Variants in ATAD2 observed in about 807,000 individuals in gnomAD.
ATAD2 encodes ATPase family AAA domain-containing protein 2.
In ATAD2, 62 loss-of-function variants were observed where a neutral mutation model predicts 168.9. The ratio of observed to expected loss-of-function variants is 0.37; its 90% CI spans 0.30 to 0.45. The LOEUF is 0.45. Among genes scored for constraint, ATAD2 ranks in the 20% least tolerant of loss-of-function variants. The pLI, the probability that ATAD2 is intolerant of heterozygous loss-of-function variation, is 1.00. For synonymous variants in ATAD2, 613 were observed against 571.6 expected (o/e 1.07, Z -1.03); for missense variants, 1,419 against 1,667.8 (o/e 0.85, Z 2.60).
At chr8:123,345,386 G>A (rs1373747787) in intron 18 of ATAD2, among the ~76,000 whole-genome samples, 2 of 151,922 alleles carry the variant, frequency 1.3e-5, no homozygotes, top group Non-Finnish European at 2.9e-5. Flanking sequence ...ATATAGCCAG[G>A]CGCGGTGGCT....
intron 20 of ATAD2, among the ~76,000 whole-genome samples, chr8:123,338,544 GA>G (rs907909574): frequency 4.6e-5 from 7 of 152,080 alleles, no homozygotes; most frequent in Admixed American, 3.3e-4. Context: ...TACTCAGGAT[GA>G]AAAAAAGGAT....
In ATAD2 at chr8:123,320,502, AAT is replaced by A. The variant is rs1485211405; in HGVS notation, c.*630_*631del. The A allele has an allele frequency of 6.6e-6, 1 of 152,162 alleles. No homozygotes were observed. The highest frequency in any genetic ancestry group is 1.5e-5 in the Non-Finnish European group (1 of 68,046). The allele number at this position is 152,162 out of a possible 1,614,324, so 9.4% of individuals were successfully genotyped here. Reference sequence around the variant, plus strand: ...ATATAATTACAAAAGTAAACCAAGAAATATTTAAAATCTTTATTAACCCAAAT... The same window carrying A: ...ATATAATTACAAAAGTAAACCAAGAAATTTAAAATCTTTATTAACCCAAAT... On this transcript the variant is annotated 3_prime_UTR_variant, in exon 28 of 28. Coordinates refer to ENST00000287394, the MANE Select transcript of ATAD2 (RefSeq NM_014109.4).
Position 123,380,555 on chromosome 8 carries a change from T to G in ATAD2, c.294A>C (p.Gln98His). The G allele has an allele frequency of 6.2e-7, 1 of 1,614,090 alleles. No individual in the cohort carries two copies. The highest frequency in any genetic ancestry group is 8.5e-7 in the Non-Finnish European group (1 of 1,179,986). Residue 98 changes from glutamine (Q) to histidine (H), a missense_variant, in exon 2 of 28, where the codon CAA becomes CAC. Physicochemically the swap from Gln to His is conservative, Grantham distance 24. Transcript: ENST00000287394. ...TTGTAAAATGCCTGCCATTAGCAAG[T>G]TGCTCCGTTATTTCCACATTCTTCT... is the stretch of plus-strand genomic sequence containing the variant. ...SFEKNVEITE[Q>H]LANGRHFTRQ...
Position 123,385,167 on chromosome 8 carries a change from T to C in ATAD2, c.172-4490A>G, listed in dbSNP as rs578231203. 6.6e-5 allele frequency among the ~76,000 whole-genome samples: 10 copies of C among 152,340 alleles called. No homozygotes were observed. The East Asian group carries it at 1.7e-3, about 26-fold the overall frequency. On this transcript the variant is annotated intron_variant, in intron 1 of 27. Coordinates refer to ENST00000287394, the MANE Select transcript of ATAD2 (RefSeq NM_014109.4). ...GCTATACAGGTTTCCACTGGTTCTA[T>C]TTTTCTACTGTTATTGATGAGCATG...
chr8:123,414,364 T>C (rs922374426), intron 1 of ATAD2, among the ~76,000 whole-genome samples: 1 of 152,200 alleles, frequency 6.6e-6, no homozygotes, highest in Admixed American at 6.6e-5. Flanking sequence ...TTGTAGAACC[T>C]ACCCAGCCTA....
intron 21 of ATAD2, among the ~76,000 whole-genome samples, chr8:123,336,852 C>T (rs1013156319): frequency 6.6e-6 from 1 of 151,918 alleles, no homozygotes; most frequent in African/African-American, 2.4e-5. Context: ...AGGTCTCTTC[C>T]AATTGTGTAG....
chr8:123,360,181 T>G (rs1285723440), intron 9 of ATAD2, among the ~76,000 whole-genome samples: 2 of 152,198 alleles, frequency 1.3e-5, no homozygotes, highest in African/African-American at 4.8e-5. Flanking sequence ...ACCCAACTAG[T>G]AAATGGCAGG....
chr8:123,331,115 A>T (rs1265729281), intron 24 of ATAD2, among the ~76,000 whole-genome samples: 1 of 151,514 alleles, frequency 6.6e-6, no homozygotes, highest in East Asian at 2.0e-4. Flanking sequence ...TAGTTGTTGT[A>T]TTTTTAGTAG....
At chr8:123,373,136 C>T (rs1206404242) in intron 2 of ATAD2, among the ~76,000 whole-genome samples, 7 of 152,016 alleles carry the variant, frequency 4.6e-5, no homozygotes, top group Non-Finnish European at 8.8e-5. Context: ...TCATGATCTG[C>T]CCACCTCAGC....
At chr8:123,345,169 A>G in intron 18 of ATAD2, 100 bp from the exon 19 acceptor site, 1 of 1,062,504 alleles carries the variant, frequency 9.4e-7, no homozygotes, top group Non-Finnish European at 1.3e-6. Context: ...GGAGTAACAT[A>G]TAAAGTCCTC....
At position 123,396,377 on chromosome 8, in the gene ATAD2, C is replaced by T; in HGVS notation, c.-20G>A. 1.3e-6 allele frequency: 2 copies of T among 1,548,170 alleles called. No individual in the cohort carries two copies. Among genetic ancestry groups the T allele is most frequent in the Admixed American group, 1.8e-5 (1 of 54,644 alleles). Reference sequence around the variant, plus strand: ...CACCATCTTCTCTCCCTACTGGCCTCGGCGTGCGCGACCGGAGAGAGATCC... The same window carrying T: ...CACCATCTTCTCTCCCTACTGGCCTTGGCGTGCGCGACCGGAGAGAGATCC... On this transcript the variant is annotated 5_prime_UTR_variant, in exon 1 of 28. Transcript: ENST00000287394.
intron 8 of ATAD2, among the ~76,000 whole-genome samples, chr8:123,365,347 A>G (rs1215835447): frequency 2.6e-5 from 4 of 152,330 alleles, no homozygotes; most frequent in East Asian, 3.9e-4. Context: ...GGAAACGACC[A>G]TATTGCCAAA....
intron 20 of ATAD2, among the ~76,000 whole-genome samples, chr8:123,338,386 G>T (rs999219696): frequency 1.3e-5 from 2 of 151,764 alleles, no homozygotes; most frequent in African/African-American, 4.8e-5. Flanking sequence ...AATTTAAGAG[G>T]CTATTAAACT....
rs893555699 is a variant in ATAD2 at position 123,322,933 on chromosome 8, T to C, written c.4131+5A>G. The C allele has an allele frequency of 1.2e-6, 2 of 1,611,344 alleles. No individual in the cohort carries two copies. Among genetic ancestry groups the C allele is most frequent in the African/African-American group, 2.7e-5 (2 of 74,782 alleles). Reference sequence around the variant, plus strand: ...TTTGTAAAAAGTTTCCACTCAAGAGTTTACCTGAATAAGTGATGTTTTATC... The same window carrying C: ...TTTGTAAAAAGTTTCCACTCAAGAGCTTACCTGAATAAGTGATGTTTTATC... On this transcript the variant is annotated splice_donor_5th_base_variant and intron_variant, in intron 27 of 27. Coordinates refer to ENST00000287394, the MANE Select transcript of ATAD2 (RefSeq NM_014109.4).
intron 1 of ATAD2, among the ~76,000 whole-genome samples, chr8:123,415,156 T>C (rs554843441): frequency 4.4e-4 from 67 of 152,336 alleles, no homozygotes; most frequent in African/African-American, 1.5e-3. Flanking sequence ...TTCCTTAATA[T>C]ATGATGCTTA....
chr8:123,361,781 A>T (rs1419643222), intron 8 of ATAD2, 135 bp from the exon 9 acceptor site: 3 of 603,626 alleles, frequency 5.0e-6, no homozygotes, highest in Non-Finnish European at 8.5e-6. Context: ...CCACTGACAT[A>T]AACTTTGTTC....
At chr8:123,380,711 T>C (rs757030688) in intron 1 of ATAD2, 34 bp from the exon 2 acceptor site, 7 of 1,585,312 alleles carry the variant, frequency 4.4e-6, no homozygotes, top group Non-Finnish European at 6.0e-6. Context: ...ATCTAAGTTT[T>C]TCTTTACAAA....
Position 123,344,948 on chromosome 8 carries a change from G to A in ATAD2, c.2654C>T (p.Pro885Leu), listed in dbSNP as rs1828190182. The A allele has an allele frequency of 6.2e-7, 1 of 1,613,982 alleles. No homozygotes were observed. The highest frequency in any genetic ancestry group is 1.7e-5 in the Admixed American group (1 of 59,994). Residue 885 changes from proline to leucine, a missense_variant, in exon 19 of 28, where the codon CCT becomes CTT. Coordinates refer to ENST00000287394, the MANE Select transcript of ATAD2 (RefSeq NM_014109.4). ...ATFTTLLQNI[P>L]SFAPVLLLAT... Reference sequence around the variant, plus strand: ...AAGTAGTAAAACTGGAGCAAATGAAGGAATATTCTGTAATAATGTGGTAAA... The same window carrying A: ...AAGTAGTAAAACTGGAGCAAATGAAAGAATATTCTGTAATAATGTGGTAAA...
In ATAD2 at chr8:123,396,330, G is replaced by T; in HGVS notation, c.28C>A (p.Leu10Met). MVVLRSSLE[L>M]HNHSAASATG... ...GCCGAGGCCGCGGAGTGGTTGTGCA[G>T]CTCCAAGCTGCTGCGGAGAACCACC... is the stretch of plus-strand genomic sequence containing the variant. The change falls in exon 1 of 28, where the codon CTG becomes ATG. Residue 10 changes from leucine to methionine, a missense_variant. This residue lies in a region of ATAD2 where 419 missense variants were observed against 423.5 expected (regional missense o/e 0.99). Transcript: ENST00000287394. The T allele has an allele frequency of 6.2e-7, 1 of 1,601,748 alleles. No homozygotes were observed. The highest frequency in any genetic ancestry group is 8.5e-7 in the Non-Finnish European group (1 of 1,175,544).
Sources: allele counts gnomAD v4.1 joint callset (sites outside exome capture counted in the v4.1 genomes callset), GRCh38; gene constraint gnomAD v4.1.1; regional missense constraint gnomAD v4.1.1; transcripts MANE v1.5; gene names NCBI Gene and HGNC (gene_info 2026-07-23, HGNC 2026-07-21).